EPHA3: variants seen among roughly 807,000 people sequenced by gnomAD.
EPHA3 encodes the protein ephrin type-A receptor 3.
Under a neutral mutation model 107.1 loss-of-function variants are expected in EPHA3, and 42 were observed. The observed-to-expected ratio is 0.39, with a 90% CI of 0.31 to 0.51. The LOEUF is 0.51. Ranked by LOEUF, EPHA3 falls within the 20% of genes least tolerant of loss-of-function variation. The pLI is 0.78. For synonymous variants in EPHA3, 461 were observed against 424.8 expected (o/e 1.09, Z -1.05); for missense variants, 1,183 against 1,211.2 (o/e 0.98, Z 0.35).
intron 5 of EPHA3, among the ~76,000 whole-genome samples, chr3:89,382,012 A>C (rs541027732): frequency 5.3e-4 from 81 of 152,262 alleles, no homozygotes; most frequent in African/African-American, 1.5e-3. Flanking sequence ...GTGAGAAAAA[A>C]AATTACAGCA....
intron 3 of EPHA3, among the ~76,000 whole-genome samples, chr3:89,290,884 G>T (rs1451899298): frequency 1.3e-5 from 2 of 152,080 alleles, no homozygotes; most frequent in African/African-American, 4.8e-5. Context: ...TAGATGTAAG[G>T]TTATTAATAT....
intron 2 of EPHA3, among the ~76,000 whole-genome samples, chr3:89,147,343 A>G (rs1244869907): frequency 6.6e-6 from 1 of 151,894 alleles, no homozygotes; most frequent in Non-Finnish European, 1.5e-5. Flanking sequence ...CAGAACGTAA[A>G]GGAAAAAAAA....
chr3:89,123,396 G>A (rs2106965048), intron 1 of EPHA3, among the ~76,000 whole-genome samples: 1 of 152,138 alleles, frequency 6.6e-6, no homozygotes, highest in East Asian at 1.9e-4. Context: ...ACTTGCCTTG[G>A]CCTCCCAAAG....
chr3:89,185,215 T>C (rs1375045719), intron 2 of EPHA3, among the ~76,000 whole-genome samples: 1 of 152,024 alleles, frequency 6.6e-6, no homozygotes, highest in South Asian at 2.1e-4. Flanking sequence ...GTTCTAGCTT[T>C]TCTCCTTGTC....
intron 3 of EPHA3, among the ~76,000 whole-genome samples, chr3:89,271,403 T>TGC (rs1705666380): frequency 6.6e-6 from 1 of 152,004 alleles, no homozygotes; most frequent in Non-Finnish European, 1.5e-5. Flanking sequence ...TAAATGTATT[T>TGC]TTCTAATGTT....
intron 5 of EPHA3, among the ~76,000 whole-genome samples, chr3:89,392,872 A>C (rs1436785594): frequency 6.6e-6 from 1 of 152,140 alleles, no homozygotes; most frequent in African/African-American, 2.4e-5. Flanking sequence ...AAAATCGATA[A>C]ATTATACCTC....
chr3:89,285,891 A>T (rs1456312911), intron 3 of EPHA3, among the ~76,000 whole-genome samples: 1 of 152,088 alleles, frequency 6.6e-6, no homozygotes, highest in African/African-American at 2.4e-5. Context: ...AGTGTGGGGA[A>T]TTAAGGAATT....
chr3:89,204,736 A>G (rs1227371597), intron 2 of EPHA3, among the ~76,000 whole-genome samples: 1 of 152,084 alleles, frequency 6.6e-6, no homozygotes, highest in Non-Finnish European at 1.5e-5. Context: ...TGACAGTGAC[A>G]GCCTTGCTGT....
chr3:89,321,158 T>C (rs1241156445), intron 3 of EPHA3, among the ~76,000 whole-genome samples: 1 of 151,978 alleles, frequency 6.6e-6, no homozygotes, highest in Non-Finnish European at 1.5e-5. Context: ...GAACAATTTG[T>C]TAGCTTTTTT....
rs1559695092 is a variant in EPHA3, at chr3:89,434,250, CGTT to C, written c.2346+2894_2346+2896del. On this transcript the variant is annotated intron_variant, in intron 13 of 16. Transcript: ENST00000336596. Reference sequence around the variant, plus strand: ...TATTAATTTTTGAGACAGAGCCTCACGTTGTCTCCCATGCTGGAGTGCAGTGGC... The same window carrying C: ...TATTAATTTTTGAGACAGAGCCTCACGTCTCCCATGCTGGAGTGCAGTGGC... 2.6e-5 allele frequency among the ~76,000 whole-genome samples: 4 copies of C among 152,114 alleles called. No homozygotes were observed. In the South Asian group the frequency reaches 6.2e-4, roughly 24 times the overall value.
chr3:89,406,889 T>C (rs1709065786), intron 7 of EPHA3, among the ~76,000 whole-genome samples: 1 of 152,198 alleles, frequency 6.6e-6, no homozygotes, highest in Non-Finnish European at 1.5e-5. Context: ...TTTATAATTG[T>C]ATGCTGAGAA....
intron 3 of EPHA3, among the ~76,000 whole-genome samples, chr3:89,280,491 A>G (rs1705915565): frequency 6.6e-6 from 1 of 152,156 alleles, no homozygotes; most frequent in Non-Finnish European, 1.5e-5. Context: ...GTTTGTGACA[A>G]GGGATGTTTC....
intron 1 of EPHA3, among the ~76,000 whole-genome samples, chr3:89,111,330 C>A (rs1707102198): frequency 1.3e-5 from 2 of 152,124 alleles, no homozygotes; most frequent in South Asian, 4.1e-4. Context: ...CAAATAAGAA[C>A]ACACTGTGAT....
At chr3:89,274,462 T>G (rs1705756813) in intron 3 of EPHA3, among the ~76,000 whole-genome samples, 1 of 152,036 alleles carries the variant, frequency 6.6e-6, no homozygotes, top group Admixed American at 6.6e-5. Context: ...AAGGGAAATT[T>G]ATTTAAGTGT....
chr3:89,312,082 A>T (rs1277175135), intron 3 of EPHA3, among the ~76,000 whole-genome samples: 1 of 152,012 alleles, frequency 6.6e-6, no homozygotes, highest in Non-Finnish European at 1.5e-5. Context: ...AAATCTTTGC[A>T]CCTCAGTTTT....
chr3:89,322,905 T>C (rs1483270541), intron 3 of EPHA3, among the ~76,000 whole-genome samples: 1 of 152,128 alleles, frequency 6.6e-6, no homozygotes, highest in Non-Finnish European at 1.5e-5. Context: ...AGTTTATCTA[T>C]GGAAATCTCT....
intron 2 of EPHA3, among the ~76,000 whole-genome samples, chr3:89,188,739 C>T (rs1705635037): frequency 6.6e-6 from 1 of 152,094 alleles, no homozygotes; most frequent in African/African-American, 2.4e-5. Flanking sequence ...TAATCTTTCC[C>T]ATCTTAATAA....
At chr3:89,443,719 A>T (rs1163951481) in intron 13 of EPHA3, among the ~76,000 whole-genome samples, 1 of 152,134 alleles carries the variant, frequency 6.6e-6, no homozygotes, top group Non-Finnish European at 1.5e-5. Flanking sequence ...ACATACTTTA[A>T]ACTGGGGGAA....
At chr3:89,474,040 A>AT (rs1189452694) in intron 16 of EPHA3, among the ~76,000 whole-genome samples, 1 of 152,188 alleles carries the variant, frequency 6.6e-6, no homozygotes, top group Non-Finnish European at 1.5e-5. Context: ...TGTTGAATAT[A>AT]TAAAGACTTT....
Sources: gnomAD v4.1 joint callset for allele counts (sites outside exome capture counted in the v4.1 genomes callset) on GRCh38, gnomAD v4.1.1 for gene constraint, MANE v1.5 for transcripts, NCBI Gene and HGNC (gene_info 2026-07-23, HGNC 2026-07-21) for gene names.